Variants in ARL15 observed in about 807,000 individuals in gnomAD.
The protein encoded by ARL15 is ADP-ribosylation factor-like protein 15.
In ARL15, 19 loss-of-function variants were observed where a neutral mutation model predicts 25.2. That is an observed-to-expected ratio of 0.75 (90% CI 0.53 to 1.10). The LOEUF (loss-of-function observed/expected upper bound fraction) is 1.10. Ranked by LOEUF, ARL15 falls within the 50% of genes least tolerant of loss-of-function variation. The pLI is 0.00. For synonymous variants in ARL15, 94 were observed against 86.8 expected, an observed-to-expected ratio of 1.08 and a Z score of -0.46; for missense variants, 220 against 246.0, an observed-to-expected ratio of 0.89 and a Z score of 0.71.
intron 4 of ARL15, among the ~76,000 whole-genome samples, chr5:54,040,414 C>T (rs1750302043): frequency 6.6e-6 from 1 of 152,110 alleles, no homozygotes; most frequent in Admixed American, 6.6e-5. Flanking sequence ...CTTGAAAATA[C>T]AACCATAATT....
rs183940024 is a variant in ARL15 at position 54,067,268 on chromosome 5, C to G, written c.462+45934G>C. Reference sequence around the variant, plus strand: ...GAGATGGGAAGAGAGATTTTTCTGACAATTTTTTTCAGTATCTGCATCATT... The same window carrying G: ...GAGATGGGAAGAGAGATTTTTCTGAGAATTTTTTTCAGTATCTGCATCATT... On this transcript the variant is annotated intron_variant, in intron 4 of 4. Coordinates refer to ENST00000504924, the MANE Select transcript of ARL15 (RefSeq NM_019087.3). 170 of 152,690 alleles carry G rather than the reference C, an allele frequency of 1.1e-3. 2 individuals carry two copies. The highest frequency in any genetic ancestry group is 3.9e-3 in the African/African-American group (162 of 41,524). 9.5% of individuals were successfully genotyped at this position (152,690 alleles called of 1,614,324 possible). A position where few individuals can be genotyped will look rare whatever the true frequency, so the allele number is the denominator to read the frequency against.
At chr5:53,921,752 A>T (rs561473953) in intron 4 of ARL15, among the ~76,000 whole-genome samples, 2 of 152,316 alleles carry the variant, frequency 1.3e-5, no homozygotes, top group South Asian at 4.1e-4. Context: ...AGCCTGGGTG[A>T]CAGAGAGAGA....
intron 1 of ARL15, among the ~76,000 whole-genome samples, chr5:54,195,094 CCCAAGGT>C (rs1755514020): frequency 6.6e-6 from 1 of 152,076 alleles, no homozygotes. Flanking sequence ...TTTCTCAAGG[CCCAAGGT>C]CCATAACTAC....
chr5:54,256,775 G>T (rs946719747), intron 1 of ARL15, among the ~76,000 whole-genome samples: 14 of 151,912 alleles, frequency 9.2e-5, no homozygotes, highest in African/African-American at 3.4e-4. Context: ...AGGGATGCAG[G>T]GATGGTTTAA....
intron 1 of ARL15, among the ~76,000 whole-genome samples, chr5:54,230,227 G>T (rs923471497): frequency 3.3e-5 from 5 of 151,488 alleles, no homozygotes; most frequent in Admixed American, 3.3e-4. Context: ...GGTGCCTGTA[G>T]TCCCAGCTAC....
At chr5:54,302,770 T>G (rs1421560774) in intron 1 of ARL15, among the ~76,000 whole-genome samples, 2 of 134,446 alleles carry the variant, frequency 1.5e-5, no homozygotes, top group African/African-American at 5.5e-5. Flanking sequence ...AACCCAGCGG[T>G]TGCATGGCTG....
intron 3 of ARL15, among the ~76,000 whole-genome samples, chr5:54,119,180 T>G (rs746451261): frequency 6.6e-6 from 1 of 152,178 alleles, no homozygotes; most frequent in African/African-American, 2.4e-5. Flanking sequence ...ATGGGTTCAA[T>G]GCCCCTTCAA....
intron 4 of ARL15, among the ~76,000 whole-genome samples, chr5:54,053,648 C>T (rs1337860763): frequency 6.6e-6 from 1 of 152,168 alleles, no homozygotes; most frequent in Non-Finnish European, 1.5e-5. Context: ...CACTGTACCT[C>T]TGGGATCTTC....
chr5:54,039,230 C>A (rs1476655165), intron 4 of ARL15, among the ~76,000 whole-genome samples: 1 of 151,984 alleles, frequency 6.6e-6, no homozygotes, highest in Admixed American at 6.6e-5. Context: ...CTGTCCAAGT[C>A]TTTAGAAGTT....
At chr5:54,040,433 G>T (rs879524855) in intron 4 of ARL15, among the ~76,000 whole-genome samples, 5 of 152,050 alleles carry the variant, frequency 3.3e-5, no homozygotes, top group Admixed American at 6.6e-5. Flanking sequence ...TTTTCAGAAA[G>T]AATACCTAAA....
intron 4 of ARL15, among the ~76,000 whole-genome samples, chr5:53,991,563 G>GAAAAAAAAAAAAAAAAAAAAAAAAAAA (rs771075344): frequency 7.8e-6 from 1 of 127,928 alleles, no homozygotes. Context: ...AAAAAAAAAG[G>GAAAAAAAAAAAAAAAAAAAAAAAAAAA]GGGGGCGGGG....
At chr5:54,017,587 GAAAA>G (rs34358029) in intron 4 of ARL15, among the ~76,000 whole-genome samples, 7 of 131,506 alleles carry the variant, frequency 5.3e-5, no homozygotes, top group Admixed American at 7.4e-5. Context: ...CTTTGTGGAA[GAAAA>G]AAAAAAAAAA....
intron 4 of ARL15, among the ~76,000 whole-genome samples, chr5:54,071,517 C>T (rs276156): frequency 4.8e-5 from 5 of 104,884 alleles, no homozygotes; most frequent in Admixed American, 1.7e-4. Context: ...CTTTCCCCCC[C>T]CCCCCCCCGC....
intron 4 of ARL15, among the ~76,000 whole-genome samples, chr5:54,075,073 G>A (rs867830221): frequency 2.8e-4 from 18 of 63,904 alleles, no homozygotes; most frequent in African/African-American, 5.8e-4. Flanking sequence ...CAGAATACAG[G>A]AAAAAAAAAA....
intron 4 of ARL15, among the ~76,000 whole-genome samples, chr5:53,909,970 G>A (rs1048358297): frequency 5.3e-5 from 8 of 152,262 alleles, no homozygotes; most frequent in African/African-American, 1.9e-4. Context: ...TCATAGTTAA[G>A]AAATATGGAT....
At chr5:54,072,917 C>A (rs1014710143) in intron 4 of ARL15, among the ~76,000 whole-genome samples, 1 of 152,082 alleles carries the variant, frequency 6.6e-6, no homozygotes, top group African/African-American at 2.4e-5. Flanking sequence ...AGATGGTATC[C>A]TAGATTTTCC....
intron 4 of ARL15, among the ~76,000 whole-genome samples, chr5:53,886,982 A>G (rs1415967046): frequency 1.3e-5 from 2 of 152,180 alleles, no homozygotes; most frequent in Non-Finnish European, 2.9e-5. Context: ...AGGTCTGATG[A>G]AGTCAGAGAA....
intron 1 of ARL15, among the ~76,000 whole-genome samples, chr5:54,270,171 A>T (rs1334900046): frequency 1.3e-5 from 2 of 152,204 alleles, no homozygotes; most frequent in African/African-American, 4.8e-5. Flanking sequence ...TCAGCTGACA[A>T]TTTGAGTATA....
At chr5:54,127,383 C>CA (rs2112264954) in intron 3 of ARL15, among the ~76,000 whole-genome samples, 1 of 152,234 alleles carries the variant, frequency 6.6e-6, no homozygotes, top group East Asian at 1.9e-4. Flanking sequence ...AACAGACAAA[C>CA]AGAGAGCCAA....
Sources: gnomAD v4.1 joint callset for allele counts (sites outside exome capture counted in the v4.1 genomes callset) on GRCh38, gnomAD v4.1.1 for gene constraint, MANE v1.5 for transcripts, NCBI Gene and HGNC (gene_info 2026-07-23, HGNC 2026-07-21) for gene names.